Variants in NLGN1 observed in about 807,000 individuals in gnomAD.
NLGN1 encodes the protein neuroligin 1.
Under a neutral mutation model 65.5 loss-of-function variants are expected in NLGN1, and 12 were observed. That is an observed-to-expected ratio of 0.18 (90% CI 0.12 to 0.30). The LOEUF (loss-of-function observed/expected upper bound fraction) is 0.30, where lower values mean the gene tolerates loss of function less well. Among genes scored for constraint, NLGN1 ranks in the 10% least tolerant of loss-of-function variants. The pLI, the probability that NLGN1 is intolerant of heterozygous loss-of-function variation, is 1.00. For missense variants in NLGN1, 750 were observed against 1,007.1 expected, an observed-to-expected ratio of 0.74 and a Z score of 3.46; for synonymous variants, 350 against 359.5, an observed-to-expected ratio of 0.97 and a Z score of 0.30.
intron 4 of NLGN1, among the ~76,000 whole-genome samples, chr3:173,847,443 C>T (rs1725995245): frequency 6.6e-6 from 1 of 152,036 alleles, no homozygotes. Flanking sequence ...GTGCTCAATT[C>T]TTCAGATAAA....
intron 4 of NLGN1, among the ~76,000 whole-genome samples, chr3:173,907,250 G>A (rs1405890200): frequency 1.3e-5 from 2 of 152,148 alleles, no homozygotes; most frequent in African/African-American, 2.4e-5. Context: ...TTAAGTGTAA[G>A]GATATTTTCC....
At chr3:174,265,303 C>T (rs900124787) in intron 4 of NLGN1, among the ~76,000 whole-genome samples, 2 of 151,784 alleles carry the variant, frequency 1.3e-5, no homozygotes, top group African/African-American at 4.8e-5. Flanking sequence ...GCAGTTTGAT[C>T]TCAGACTGCT....
chr3:174,027,403 A>T (rs1729065412), intron 4 of NLGN1, among the ~76,000 whole-genome samples: 1 of 152,118 alleles, frequency 6.6e-6, no homozygotes, highest in African/African-American at 2.4e-5. Context: ...TCTAACCACT[A>T]CTTACCACCA....
At chr3:174,156,122 TTAAACA>T (rs1196859694) in intron 4 of NLGN1, among the ~76,000 whole-genome samples, 1 of 151,964 alleles carries the variant, frequency 6.6e-6, no homozygotes, top group East Asian at 1.9e-4. Context: ...AACGTTCTTT[TTAAACA>T]TATAACATCA....
chr3:173,672,624 A>G (rs1353066199), intron 3 of NLGN1, among the ~76,000 whole-genome samples: 1 of 152,224 alleles, frequency 6.6e-6, no homozygotes, highest in African/African-American at 2.4e-5. Context: ...TAGATTGCCT[A>G]CAAGAAGGCT....
intron 3 of NLGN1, among the ~76,000 whole-genome samples, chr3:173,748,395 A>C (rs1328701919): frequency 1.3e-5 from 2 of 152,138 alleles, no homozygotes; most frequent in African/African-American, 4.8e-5. Context: ...CAGAACAACT[A>C]GACTTCTGAT....
In NLGN1 at chr3:173,871,928, T is replaced by C. The variant is rs147434876; in HGVS notation, c.646+64096T>C. 2.4e-4 allele frequency among the ~76,000 whole-genome samples: 36 copies of C among 152,320 alleles called. No individual in the cohort carries two copies. The East Asian group carries it at 7.0e-3, about 29-fold the overall frequency. ...AGAAAACATGAAATATTTGTTATCA[T>C]AGGACCTTTCAATTTCAACCGTTCC... On this transcript the variant is annotated intron_variant, in intron 4 of 6. Coordinates refer to ENST00000457714, the Ensembl canonical transcript of NLGN1.
At chr3:174,125,932 A>G (rs944723154) in intron 4 of NLGN1, among the ~76,000 whole-genome samples, 1 of 152,142 alleles carries the variant, frequency 6.6e-6, no homozygotes, top group Non-Finnish European at 1.5e-5. Context: ...AACAACACAG[A>G]GCTTCTACTT....
intron 4 of NLGN1, among the ~76,000 whole-genome samples, chr3:173,858,944 G>A (rs1426513697): frequency 6.6e-6 from 1 of 151,980 alleles, no homozygotes; most frequent in African/African-American, 2.4e-5. Context: ...TGCCTGTACA[G>A]CTTTTGTCTA....
intron 3 of NLGN1, among the ~76,000 whole-genome samples, chr3:173,734,138 A>G (rs1773332984): frequency 6.6e-6 from 1 of 151,990 alleles, no homozygotes. Flanking sequence ...GCATCTTATA[A>G]TTACATTTTT....
Position 173,730,991 on chromosome 3 carries a change from G to A in NLGN1, c.494-76689G>A, listed in dbSNP as rs78741655. Among the ~76,000 whole-genome samples, 553 of 152,184 alleles carry A rather than the reference G, an allele frequency of 3.6e-3. 5 individuals are homozygous for A. Among genetic ancestry groups the A allele is most frequent in the African/African-American group, 0.012 (517 of 41,544 alleles). ...AAAGAGGCCATGATATGTGCCTTGA[G>A]AAATCCCTTGGCCATCACCAAGGGG... On this transcript the variant is annotated intron_variant, in intron 3 of 6. Coordinates refer to ENST00000457714, the Ensembl canonical transcript of NLGN1.
chr3:173,733,980 A>G (rs1773296684), intron 3 of NLGN1, among the ~76,000 whole-genome samples: 1 of 152,102 alleles, frequency 6.6e-6, no homozygotes, highest in Non-Finnish European at 1.5e-5. Context: ...GACATATCAA[A>G]TGACAAAAGA....
intron 3 of NLGN1, among the ~76,000 whole-genome samples, chr3:173,623,317 A>G (rs1754312784): frequency 6.6e-6 from 1 of 151,886 alleles, no homozygotes. Flanking sequence ...ACAGGTGCAT[A>G]CATAGTGTAA....
At chr3:173,879,915 A>C (rs987938401) in intron 4 of NLGN1, among the ~76,000 whole-genome samples, 2 of 152,178 alleles carry the variant, frequency 1.3e-5, no homozygotes, top group African/African-American at 2.4e-5. Flanking sequence ...TCTCAAGTGT[A>C]TTTTAAAATA....
chr3:174,143,376 T>C (rs73046240), intron 4 of NLGN1, among the ~76,000 whole-genome samples: 138 of 152,298 alleles, frequency 9.1e-4, no homozygotes, highest in Middle Eastern at 3.4e-3. Context: ...GTGAAGAGAA[T>C]GACAGAAACC....
intron 4 of NLGN1, among the ~76,000 whole-genome samples, chr3:174,039,667 C>T (rs1375403984): frequency 6.6e-6 from 1 of 152,042 alleles, no homozygotes; most frequent in African/African-American, 2.4e-5. Flanking sequence ...TTGCAAAGGA[C>T]AAAATATATA....
intron 3 of NLGN1, among the ~76,000 whole-genome samples, chr3:173,679,102 A>G (rs564255108): frequency 4.4e-4 from 67 of 151,400 alleles, no homozygotes; most frequent in African/African-American, 1.6e-3. Flanking sequence ...TTTTTCATTC[A>G]TCTGTATTTT....
chr3:174,018,579 C>T (rs1727099218), intron 4 of NLGN1, among the ~76,000 whole-genome samples: 1 of 152,160 alleles, frequency 6.6e-6, no homozygotes, highest in South Asian at 2.1e-4. Context: ...TGACTTCCTG[C>T]AACAGGTTCT....
At chr3:173,889,217 T>G (rs1442614962) in intron 4 of NLGN1, among the ~76,000 whole-genome samples, 1 of 152,182 alleles carries the variant, frequency 6.6e-6, no homozygotes, top group Non-Finnish European at 1.5e-5. Flanking sequence ...TTTGAGATCA[T>G]GGCATTAATA....
Sources: gnomAD v4.1 joint callset for allele counts (sites outside exome capture counted in the v4.1 genomes callset) on GRCh38, gnomAD v4.1.1 for gene constraint, MANE v1.5 for transcripts, NCBI Gene and HGNC (gene_info 2026-07-23, HGNC 2026-07-21) for gene names.